The following ADAMTSL1 variants were observed in gnomAD, a reference collection of about 807,000 sequenced individuals.
The protein encoded by ADAMTSL1 is ADAMTS-like protein 1.
A neutral mutation model predicts 201.8 loss-of-function variants in ADAMTSL1; 126 were observed. The observed-to-expected ratio is 0.62, with a 90% CI of 0.54 to 0.72. The LOEUF (loss-of-function observed/expected upper bound fraction) is 0.72, where lower values mean the gene tolerates loss of function less well. Among genes scored for constraint, ADAMTSL1 ranks in the 30% least tolerant of loss-of-function variants. The pLI is 0.00. For synonymous variants in ADAMTSL1, 1,121 were observed against 903.4 expected, an observed-to-expected ratio of 1.24 and a Z score of -4.32; for missense variants, 2,679 against 2,277.8, an observed-to-expected ratio of 1.18 and a Z score of -3.59.
intron 2 of ADAMTSL1, among the ~76,000 whole-genome samples, chr9:18,175,109 C>T (rs186731268): frequency 6.6e-6 from 1 of 152,138 alleles, no homozygotes; most frequent in African/African-American, 2.4e-5. Context: ...AGCTGAAAAC[C>T]TGAGGAGGGG....
chr9:18,455,084 A>G (rs956658037), intron 2 of ADAMTSL1, among the ~76,000 whole-genome samples: 1 of 152,126 alleles, frequency 6.6e-6, no homozygotes, highest in African/African-American at 2.4e-5. Context: ...CTTCCTGTGG[A>G]TCTCTAAAAT....
At chr9:18,537,080 G>A (rs1819820432) in intron 3 of ADAMTSL1, among the ~76,000 whole-genome samples, 1 of 152,076 alleles carries the variant, frequency 6.6e-6, no homozygotes, top group Non-Finnish European at 1.5e-5. Flanking sequence ...ACATTTTACT[G>A]TTTTTAAGAC....
At chr9:17,935,545 TC>T (rs550215527) in intron 1 of ADAMTSL1, among the ~76,000 whole-genome samples, 21 of 152,050 alleles carry the variant, frequency 1.4e-4, no homozygotes, top group Non-Finnish European at 2.4e-4. Context: ...CTGCTCCCAC[TC>T]CCCCAAAAGC....
chr9:18,695,926 T>C (rs762756550), intron 13 of ADAMTSL1, among the ~76,000 whole-genome samples: 12 of 152,202 alleles, frequency 7.9e-5, no homozygotes, highest in South Asian at 4.1e-4. Flanking sequence ...ACAGGAGCCA[T>C]GGCTGGGGAG....
chr9:18,165,830 T>C (rs1264060175), intron 2 of ADAMTSL1, among the ~76,000 whole-genome samples: 3 of 151,954 alleles, frequency 2.0e-5, no homozygotes, highest in African/African-American at 4.8e-5. Flanking sequence ...AAAGTGTAAC[T>C]TTATTTCCTA....
intron 1 of ADAMTSL1, among the ~76,000 whole-genome samples, chr9:18,087,703 T>G (rs1823826892): frequency 6.6e-6 from 1 of 152,152 alleles, no homozygotes; most frequent in Non-Finnish European, 1.5e-5. Flanking sequence ...TTTAAATACT[T>G]TTTGATAATA....
intron 15 of ADAMTSL1, chr9:18,723,914 AG>A (rs988428100): frequency 6.6e-6 from 1 of 152,226 alleles, no homozygotes; most frequent in African/African-American, 2.4e-5. Flanking sequence ...TGTGTTTGGT[AG>A]GAGCATAATA....
intron 2 of ADAMTSL1, among the ~76,000 whole-genome samples, chr9:18,268,545 T>C (rs1832229407): frequency 6.6e-6 from 1 of 152,182 alleles, no homozygotes; most frequent in Admixed American, 6.6e-5. Flanking sequence ...TCCCATCCTC[T>C]CTGGGCTGAC....
Position 18,090,261 on chromosome 9 carries a change from A to G in ADAMTSL1, c.88-73601A>G, listed in dbSNP as rs1823949889. ...TTCCACTCCTAGGTATAAACACAAA[A>G]GAATTGAAAGCAGGGACTCAAATAG... On this transcript the variant is annotated intron_variant, in intron 1 of 29. Coordinates refer to the ADAMTSL1 transcript ENST00000680146. Among the ~76,000 whole-genome samples the G allele has an allele frequency of 2.0e-5, 3 of 152,326 alleles. No homozygotes were observed. The East Asian group carries it at 5.8e-4, about 29-fold the overall frequency.
At chr9:18,651,040 A>G (rs956562691) in intron 7 of ADAMTSL1, 1 of 152,222 alleles carries the variant, frequency 6.6e-6, no homozygotes, top group Non-Finnish European at 1.5e-5. Context: ...ACTATACTCT[A>G]TCTAAACAAC....
At chr9:18,760,319 A>G (rs1820004067) in intron 16 of ADAMTSL1, among the ~76,000 whole-genome samples, 1 of 152,116 alleles carries the variant, frequency 6.6e-6, no homozygotes, top group Admixed American at 6.5e-5. Context: ...CCTTACAAAC[A>G]GTCTTTTACT....
chr9:17,933,235 C>T lies in ADAMTSL1; in HGVS notation c.87+26313C>T, dbSNP rs555762140. ...GTAGCTTTCAGCATTCTTTAGTCTT[C>T]CTTGGCTTGTGGCTATATCACTCCA... On this transcript the variant is annotated intron_variant, in intron 1 of 29. Coordinates refer to the ADAMTSL1 transcript ENST00000680146. 1.1e-4 allele frequency among the ~76,000 whole-genome samples: 16 copies of T among 152,238 alleles called. No homozygotes were observed. In the South Asian group the frequency reaches 2.3e-3, roughly 22 times the overall value.
intron 2 of ADAMTSL1, among the ~76,000 whole-genome samples, chr9:18,428,996 A>G (rs911630808): frequency 6.6e-6 from 1 of 152,240 alleles, no homozygotes; most frequent in Non-Finnish European, 1.5e-5. Flanking sequence ...AAAGTCAGCT[A>G]TAAGTTCCAA....
intron 2 of ADAMTSL1, among the ~76,000 whole-genome samples, chr9:18,384,479 G>A (rs1837702340): frequency 6.6e-6 from 1 of 152,098 alleles, no homozygotes; most frequent in East Asian, 1.9e-4. Flanking sequence ...CTTAGCAAAT[G>A]TTAGGTCCTT....
intron 2 of ADAMTSL1, among the ~76,000 whole-genome samples, chr9:18,313,139 C>G (rs775570802): frequency 9.9e-5 from 15 of 152,198 alleles, no homozygotes; most frequent in Non-Finnish European, 1.6e-4. Flanking sequence ...TTCCAGAACT[C>G]CTGATTCAGT....
At chr9:18,254,523 C>T (rs1207666434) in intron 2 of ADAMTSL1, among the ~76,000 whole-genome samples, 2 of 151,676 alleles carry the variant, frequency 1.3e-5, no homozygotes, top group Non-Finnish European at 2.9e-5. Context: ...CCACCACGCC[C>T]GGCTAACTTT....
chr9:18,743,257 C>T (rs1244615109), intron 15 of ADAMTSL1, among the ~76,000 whole-genome samples: 1 of 152,110 alleles, frequency 6.6e-6, no homozygotes. Flanking sequence ...TGAGGGAAGG[C>T]TGAAGACACT....
At chr9:17,918,338 A>ATT (rs35657851) in intron 1 of ADAMTSL1, among the ~76,000 whole-genome samples, 304 of 150,138 alleles carry the variant, frequency 2.0e-3, no homozygotes, top group East Asian at 6.0e-3. Flanking sequence ...TTCTATATGT[A>ATT]TTTTTTTTTC....
intron 15 of ADAMTSL1, chr9:18,723,118 A>G: frequency 2.6e-6 from 2 of 764,250 alleles, no homozygotes; most frequent in Non-Finnish European, 4.9e-6. Context: ...TCTGTGGCCT[A>G]GGGCGAGGTG....
Sources: gnomAD v4.1 joint callset for allele counts (sites outside exome capture counted in the v4.1 genomes callset) on GRCh38, gnomAD v4.1.1 for gene constraint, MANE v1.5 for transcripts, NCBI Gene and HGNC (gene_info 2026-07-23, HGNC 2026-07-21) for gene names.